TTN: variants seen among roughly 807,000 people sequenced by gnomAD.
The protein encoded by TTN is connectin.
A neutral mutation model predicts 3,223.0 loss-of-function variants in TTN; 1,525 were observed. That is an observed-to-expected ratio of 0.47 (90% CI 0.45 to 0.49). The LOEUF (loss-of-function observed/expected upper bound fraction) is 0.49, where lower values mean the gene tolerates loss of function less well. TTN is among the 20% of genes least tolerant of loss of function. The pLI, the probability that TTN is intolerant of heterozygous loss-of-function variation, is 0.00. For missense variants in TTN, 40,786 were observed against 43,424.0 expected, an observed-to-expected ratio of 0.94 and a Z score of 5.40; for synonymous variants, 14,094 against 15,161.0, an observed-to-expected ratio of 0.93 and a Z score of 5.17.
intron 127 of TTN, 122 bp downstream of exon 127, chr2:178,687,989 G>A (rs2071343406): frequency 1.4e-6 from 1 of 698,932 alleles, no homozygotes; most frequent in South Asian, 1.9e-5. Context: ...AATGAGACTG[G>A]TAGATGTTCA....
intron 305 of TTN, 26 bp from the exon 306 acceptor site, chr2:178,587,826 T>G (rs557369958): frequency 3.2e-6 from 5 of 1,570,500 alleles, no homozygotes; most frequent in Non-Finnish European, 4.3e-6. Context: ...AGGTCATTAA[T>G]TGATTTTTCA....
chr2:178,637,154 T>C (rs1176298821), intron 224 of TTN, among the ~76,000 whole-genome samples: 1 of 97,628 alleles, frequency 1.0e-5, no homozygotes, highest in South Asian at 3.7e-4. Flanking sequence ...TGGATATATA[T>C]ATATATATAT....
Position 178,570,815 on chromosome 2 carries a change from A to G in TTN, c.75317T>C (p.Val25106Ala), listed in dbSNP as rs779121143. 6.2e-7 allele frequency: 1 copy of G among 1,613,438 alleles called. No individual in the cohort carries two copies. The highest frequency in any genetic ancestry group is 1.1e-5 in the South Asian group (1 of 91,080). ...STGAITARDE[V>A]DPPRISMDPK... ...ATCCATACTTATTCGTGGTGGATCTACCTCATCTCTAGCTGTTATTGCTCC... is the reference window on the plus strand; with the variant it reads ...ATCCATACTTATTCGTGGTGGATCTGCCTCATCTCTAGCTGTTATTGCTCC... Residue 25106 changes from valine to alanine, a missense_variant, in exon 326 of 363, where the codon GTA becomes GCA. Val to Ala is a moderately conservative substitution (Grantham distance 64, BLOSUM62 0). Coordinates refer to ENST00000589042, the MANE Select transcript of TTN (RefSeq NM_001267550.2).
rs747050691 is a variant in TTN, at chr2:178,601,706, T to G, written c.55384A>C (p.Lys18462Gln). 8 of 1,609,486 alleles carry G rather than the reference T, an allele frequency of 5.0e-6. No individual in the cohort carries two copies. The East Asian group carries it at 1.1e-4, about 23-fold the overall frequency. ...SHTGKYSITA[K>Q]NKAGQKTANC... ...GCAGTCTTTTGTCCTGCTTTATTCT[T>G]GGCTGTGATGCTGTATTTGCCTGTA... Residue 18462 changes from lysine (K) to glutamine (Q), a missense_variant, in exon 286 of 363, where the codon AAG becomes CAG. Physicochemically the swap from Lys to Gln is moderately conservative, Grantham distance 53 (BLOSUM62 1). Coordinates refer to ENST00000589042, the MANE Select transcript of TTN (RefSeq NM_001267550.2).
chr2:178,553,507 A>G lies in TTN; in HGVS notation c.89498T>C (p.Ile29833Thr). Reference protein sequence around the residue: ...EMNEPVQAKDILEAPEIDLDV... With the variant: ...EMNEPVQAKDTLEAPEIDLDV... The stretch of plus-strand genomic sequence containing the variant: ...TCAAACCAGTAGGTACATACCAAGT[A>G]TATCTTTAGCTTGTACAGGTTCATT... Residue 29833 changes from isoleucine to threonine, a missense_variant, in exon 334 of 363, where the codon ATA becomes ACA. Coordinates refer to ENST00000589042, the MANE Select transcript of TTN (RefSeq NM_001267550.2). The G allele has an allele frequency of 6.2e-7, 1 of 1,608,222 alleles. No homozygotes were observed. The highest frequency in any genetic ancestry group is 1.7e-4 in the Middle Eastern group (1 of 6,022).
rs753213447 is a variant in TTN, at chr2:178,664,460, C to G, written c.36280G>C (p.Val12094Leu). The G allele has an allele frequency of 6.2e-6, 10 of 1,609,248 alleles. No homozygotes were observed. The highest frequency in any genetic ancestry group is 8.5e-6 in the Non-Finnish European group (10 of 1,177,782). The change falls in exon 168 of 363, where the codon GTG (valine) becomes CTG (leucine). Residue 12094 changes from valine to leucine, a missense_variant and splice_region_variant. By Grantham distance (32) the Val-to-Leu change is conservative. Transcript: ENST00000589042. Reference protein sequence around the residue: ...PQRAEVVPVKVHEAPKEIIPE... With the variant: ...PQRAEVVPVKLHEAPKEIIPE... ...CATAAAAAGACAGTTAAGAATGTAC[C>G]TTTGACAGGTACAACTTCAGCCCTT...
chr2:178,694,754 A>G, intron 116 of TTN, 75 bp downstream of exon 116: 4 of 1,487,406 alleles, frequency 2.7e-6, no homozygotes, highest in Non-Finnish European at 3.7e-6. Flanking sequence ...TTGATTATAT[A>G]AATAACTAAT....
chr2:178,741,066 G>T lies in TTN; in HGVS notation c.12167C>A (p.Pro4056His). 1.2e-6 allele frequency: 2 copies of T among 1,613,888 alleles called. No homozygotes were observed. Among genetic ancestry groups the T allele is most frequent in the East Asian group, 2.2e-5 (1 of 44,876 alleles). Residue 4056 changes from proline to histidine, a missense_variant, in exon 48 of 363, where the codon CCC becomes CAC. Coordinates refer to ENST00000589042, the MANE Select transcript of TTN (RefSeq NM_001267550.2). ...PEAPEDFPQT[P>H]LKGPAVEALD... ...TGCTTCAACTGCGGGACCCTTTAAG[G>T]GTGTCTGTGGAAAATCCTCAGGAGC...
chr2:178,722,938 C>A lies in TTN; in HGVS notation c.21962-1G>T, dbSNP rs1205519093. 6.2e-7 allele frequency: 1 copy of A among 1,607,060 alleles called. No individual in the cohort carries two copies. Among genetic ancestry groups the A allele is most frequent in the Non-Finnish European group, 8.5e-7 (1 of 1,176,708 alleles). On this transcript the variant is annotated splice_acceptor_variant, in intron 75 of 362. Coordinates refer to ENST00000589042, the MANE Select transcript of TTN (RefSeq NM_001267550.2). LOFTEE classifies it high-confidence loss of function. ...AGTTCCGTAACAAAATAAGGCGGTT[C>A]TAAGGAAGAAAGGCTCACAGTTAGC...
At chr2:178,678,921 A>G (rs2068706075) in intron 142 of TTN, 91 bp from the exon 143 acceptor site, 2 of 1,011,430 alleles carry the variant, frequency 2.0e-6, no homozygotes, top group African/African-American at 3.4e-5. Flanking sequence ...CTGAAGCAGC[A>G]TAGATATTCT....
rs901760899 is a variant in TTN at position 178,572,507 on chromosome 2, G to C, written c.73625C>G (p.Pro24542Arg). The C allele has an allele frequency of 3.1e-6, 5 of 1,613,282 alleles. No individual in the cohort carries two copies. The highest frequency in any genetic ancestry group is 3.4e-6 in the Non-Finnish European group (4 of 1,179,556). Residue 24542 changes from proline to arginine, a missense_variant, in exon 326 of 363, where the codon CCA (proline) becomes CGA (arginine). Physicochemically the swap from Pro to Arg is moderately radical, Grantham distance 103. Coordinates refer to ENST00000589042, the MANE Select transcript of TTN (RefSeq NM_001267550.2). ...TKTSVTLTWDPPLLDGGSKIK... is the reference protein window; with the variant it reads ...TKTSVTLTWDRPLLDGGSKIK... ...TTTTGAACCTCCATCAAGGAGAGGT[G>C]GGTCCCATGTGAGTGTGACAGATGT...
rs1347470734 is a variant in TTN, at chr2:178,722,913, A to T, written c.21986T>A (p.Leu7329Gln). The T allele has an allele frequency of 6.2e-7, 1 of 1,611,930 alleles. No homozygotes were observed. The highest frequency in any genetic ancestry group is 8.5e-7 in the Non-Finnish European group (1 of 1,178,924). The change falls in exon 76 of 363, where the codon CTG becomes CAG. Residue 7329 changes from leucine to glutamine, a missense_variant. Transcript: ENST00000589042. ...TCCAACTGCTGCCTCCAGAGGTTCC[A>T]GTTCCGTAACAAAATAAGGCGGTTC... ...TLEPPYFVTE[L>Q]EPLEAAVGDS...
rs1708251865 is a variant in TTN, at chr2:178,571,699, A to T, written c.74433T>A (p.Pro24811=). The part of the protein sequence containing the change: ...LNVIVLDKPG[P]PTGPVKMDEV... ...CATCCATTTTAACTGGTCCAGTTGG[A>T]GGCCCTGGTTTGTCAAGAACGATAA... is the stretch of plus-strand genomic sequence containing the variant. The change falls in exon 326 of 363, where the codon CCT becomes CCA. Residue 24811 remains proline (P), a synonymous_variant. Coordinates refer to ENST00000589042, the MANE Select transcript of TTN (RefSeq NM_001267550.2). 1.2e-6 allele frequency: 2 copies of T among 1,613,394 alleles called. No individual in the cohort carries two copies. The highest frequency in any genetic ancestry group is 1.7e-6 in the Non-Finnish European group (2 of 1,179,620).
Position 178,629,347 on chromosome 2 carries a change from G to A in TTN, c.44378C>T (p.Pro14793Leu). 1 of 1,612,866 alleles carries A rather than the reference G, an allele frequency of 6.2e-7. No homozygotes were observed. Among genetic ancestry groups the A allele is most frequent in the Non-Finnish European group, 8.5e-7 (1 of 1,179,294 alleles). The change falls in exon 240 of 363, where the codon CCA (proline) becomes CTA (leucine). Residue 14793 changes from proline to leucine, a missense_variant. Transcript: ENST00000589042. ...CTTCCCTTTGAGATACCATTCCACT[G>A]GGATATCTTCGTAGGAGAGCTCGCA... ...FDCELSYEDI[P>L]VEWYLKGKKL...
intron 96 of TTN, 78 bp downstream of exon 96, chr2:178,711,863 TAAA>T: frequency 6.7e-7 from 1 of 1,486,652 alleles, no homozygotes; most frequent in Non-Finnish European, 8.9e-7. Context: ...AAGATTTTCC[TAAA>T]AAATAGGCCT....
chr2:178,732,253 T>C lies in TTN; in HGVS notation c.16716A>G (p.Pro5572=), dbSNP rs367821526. The C allele has an allele frequency of 1.2e-4, 201 of 1,613,860 alleles. No homozygotes were observed. The highest frequency in any genetic ancestry group is 1.3e-4 in the Non-Finnish European group (152 of 1,179,788). ...QLACKVTGTP[P]IKITWFANDR... ...CATTTGCAAACCATGTTATTTTAATTGGAGGGGTACCAGTTACTTTGCAGG... is the reference window on the plus strand; with the variant it reads ...CATTTGCAAACCATGTTATTTTAATCGGAGGGGTACCAGTTACTTTGCAGG... Residue 5572 remains proline, a synonymous_variant, in exon 57 of 363, where the codon CCA becomes CCG. Transcript: ENST00000589042.
At chr2:178,779,500 C>T (rs1243678279) in intron 22 of TTN, 38 bp from the exon 23 acceptor site, 1 of 1,234,554 alleles carries the variant, frequency 8.1e-7, no homozygotes, top group Non-Finnish European at 1.2e-6. Flanking sequence ...AAATACATAT[C>T]CTTACTGATA....
At chr2:178,697,514 C>T (rs768431575) in intron 112 of TTN, among the ~76,000 whole-genome samples, 7 of 152,056 alleles carry the variant, frequency 4.6e-5, no homozygotes, top group Non-Finnish European at 1.5e-5. Context: ...CTAAAAATAA[C>T]ACATTAGACT....
chr2:178,622,076 C>T (rs1433871337), intron 243 of TTN, 68 bp from the exon 244 acceptor site: 32 of 1,443,244 alleles, frequency 2.2e-5, no homozygotes, highest in Non-Finnish European at 3.0e-5. Flanking sequence ...TTAAGAAAAA[C>T]TATGATCCTG....
Sources: allele counts gnomAD v4.1 joint callset (sites outside exome capture counted in the v4.1 genomes callset), GRCh38; gene constraint gnomAD v4.1.1; transcripts MANE v1.5; gene names NCBI Gene and HGNC (gene_info 2026-07-23, HGNC 2026-07-21).